Variants in UNC5C observed in about 807,000 individuals in gnomAD.
The protein encoded by UNC5C is unc-5 netrin receptor C.
A neutral mutation model predicts 99.8 loss-of-function variants in UNC5C; 47 were observed. That is an observed-to-expected ratio of 0.47 (90% CI 0.37 to 0.60). UNC5C has a LOEUF of 0.60. Among genes scored for constraint, UNC5C ranks in the 20% least tolerant of loss-of-function variants. The probability of loss-of-function intolerance (pLI) is 0.00; values close to 1 mark genes in which losing one functional copy is unlikely to be tolerated. For missense variants in UNC5C, 1,062 were observed against 1,165.9 expected (o/e 0.91, Z 1.30); for synonymous variants, 487 against 452.2 (o/e 1.08, Z -0.98).
chr4:95,533,367 G>T (rs558422397), intron 1 of UNC5C, among the ~76,000 whole-genome samples: 2 of 151,716 alleles, frequency 1.3e-5, no homozygotes, highest in Non-Finnish European at 2.9e-5. Context: ...CTGCACTCTA[G>T]CCAGGGCAAT....
chr4:95,244,659 T>A (rs899022397), intron 6 of UNC5C, among the ~76,000 whole-genome samples: 2 of 152,220 alleles, frequency 1.3e-5, no homozygotes, highest in South Asian at 4.1e-4. Flanking sequence ...AATGTGTGGC[T>A]TCCAGTGCCA....
At chr4:95,248,781 A>G (rs773660337) in intron 5 of UNC5C, among the ~76,000 whole-genome samples, 29 of 152,178 alleles carry the variant, frequency 1.9e-4, no homozygotes, top group Non-Finnish European at 2.9e-4. Flanking sequence ...AGAAATTCCT[A>G]TCACCTAATA....
chr4:95,170,060 G>GAAAA, intron 15 of UNC5C, 94 bp downstream of exon 15: 6 of 1,438,846 alleles, frequency 4.2e-6, no homozygotes, highest in Non-Finnish European at 5.6e-6. Context: ...TGTGTGGATG[G>GAAAA]AAAAAAAAAT....
chr4:95,198,956 TAAGAA>T (rs1313130149), intron 12 of UNC5C, among the ~76,000 whole-genome samples: 1 of 152,008 alleles, frequency 6.6e-6, no homozygotes, highest in Non-Finnish European at 1.5e-5. Flanking sequence ...CAGGGAGTAT[TAAGAA>T]AATAAAATGC....
At chr4:95,466,467 G>A (rs142435091) in intron 1 of UNC5C, among the ~76,000 whole-genome samples, 103 of 152,170 alleles carry the variant, frequency 6.8e-4, no homozygotes, top group African/African-American at 2.4e-3. Flanking sequence ...TTAATTAAAG[G>A]AATAAATACC....
chr4:95,269,869 C>G (rs569420940), intron 4 of UNC5C, among the ~76,000 whole-genome samples: 71 of 152,132 alleles, frequency 4.7e-4, no homozygotes, highest in Middle Eastern at 3.4e-3. Flanking sequence ...TGCACCACCA[C>G]GCCCGGCTAA....
chr4:95,381,720 G>A (rs1358424573), intron 1 of UNC5C, among the ~76,000 whole-genome samples: 1 of 152,060 alleles, frequency 6.6e-6, no homozygotes, highest in African/African-American at 2.4e-5. Context: ...ATTGCATGAT[G>A]TATTGCATAT....
intron 12 of UNC5C, among the ~76,000 whole-genome samples, chr4:95,188,162 C>G (rs894668825): frequency 6.6e-6 from 1 of 152,146 alleles, no homozygotes; most frequent in Non-Finnish European, 1.5e-5. Context: ...GGTGTGTAAA[C>G]TCCATATTGG....
intron 4 of UNC5C, among the ~76,000 whole-genome samples, chr4:95,253,151 T>C (rs948798758): frequency 3.9e-5 from 6 of 152,100 alleles, no homozygotes; most frequent in Admixed American, 3.3e-4. Flanking sequence ...AGGGTTCTCC[T>C]GGAAGCACTT....
chr4:95,304,966 C>A (rs1011144687), intron 2 of UNC5C, among the ~76,000 whole-genome samples: 4 of 152,168 alleles, frequency 2.6e-5, no homozygotes, highest in African/African-American at 9.7e-5. Context: ...TTCTACTGAC[C>A]ACAAATCTGA....
At chr4:95,212,976 A>G (rs1738126017) in intron 10 of UNC5C, among the ~76,000 whole-genome samples, 1 of 152,162 alleles carries the variant, frequency 6.6e-6, no homozygotes, top group Admixed American at 6.5e-5. Flanking sequence ...CCACCCAGGC[A>G]CCAAGCCTTC....
At chr4:95,446,110 A>T (rs932301419) in intron 1 of UNC5C, among the ~76,000 whole-genome samples, 1 of 152,170 alleles carries the variant, frequency 6.6e-6, no homozygotes, top group Non-Finnish European at 1.5e-5. Flanking sequence ...GGCCTCATTC[A>T]GAACTCATCT....
rs1736051834 is a variant in UNC5C at position 95,170,448 on chromosome 4, ATTCTTCTTAGGAAGAATGGC to A, written c.2452-136_2452-117del. 1.9e-5 allele frequency: 24 copies of A among 1,258,926 alleles called. 2 individuals carry two copies. In the South Asian group the frequency reaches 2.9e-4, roughly 15 times the overall value. The allele number at this position is 1,258,926 out of a possible 1,614,324, so 78.0% of individuals were successfully genotyped here. ...TGATAAGAAAAGAATGAATGCTGTTATTCTTCTTAGGAAGAATGGCTTCTTCTTAGCCTGAAAGTTGTGCA... is the reference window on the plus strand; with the variant it reads ...TGATAAGAAAAGAATGAATGCTGTTATTCTTCTTAGCCTGAAAGTTGTGCA... On this transcript the variant is annotated intron_variant, in intron 14 of 15. Coordinates refer to ENST00000453304, the MANE Select transcript of UNC5C (RefSeq NM_003728.4).
intron 12 of UNC5C, among the ~76,000 whole-genome samples, chr4:95,193,305 G>T (rs956508774): frequency 3.9e-5 from 6 of 152,218 alleles, no homozygotes; most frequent in African/African-American, 1.2e-4. Context: ...CGAAGCAGTG[G>T]CCAGCCTGGC....
In UNC5C at chr4:95,335,441, G is replaced by A. The variant is rs1179235019; in HGVS notation, c.315C>T (p.His105=). The A allele has an allele frequency of 2.6e-5, 42 of 1,612,112 alleles. No homozygotes were observed. Among genetic ancestry groups the A allele is most frequent in the Non-Finnish European group, 3.4e-5 (40 of 1,178,724 alleles). The change falls in exon 2 of 16, where the codon CAC becomes CAT. Residue 105 remains histidine (H), a synonymous_variant. Coordinates refer to ENST00000453304, the MANE Select transcript of UNC5C (RefSeq NM_003728.4). Reference sequence around the variant, plus strand: ...TTTCATCTACTCTTTCATCTACTATGTGGTCCTTCTGATGAACCCATTCAC... The same window carrying A: ...TTTCATCTACTCTTTCATCTACTATATGGTCCTTCTGATGAACCCATTCAC... ...CNSEWVHQKD[H]IVDERVDETS...
chr4:95,342,146 G>C (rs557801772), intron 1 of UNC5C, among the ~76,000 whole-genome samples: 1 of 152,202 alleles, frequency 6.6e-6, no homozygotes, highest in Non-Finnish European at 1.5e-5. Flanking sequence ...ACTGGACTTG[G>C]GGAACATGCT....
chr4:95,441,435 C>T (rs1436151402), intron 1 of UNC5C, among the ~76,000 whole-genome samples: 1 of 152,140 alleles, frequency 6.6e-6, no homozygotes, highest in African/African-American at 2.4e-5. Context: ...AAGGAGGACT[C>T]TGTGATTATC....
intron 1 of UNC5C, among the ~76,000 whole-genome samples, chr4:95,397,262 C>T (rs1745539985): frequency 6.6e-5 from 10 of 152,154 alleles, no homozygotes; most frequent in Admixed American, 6.5e-4. Context: ...GTGCTTTACA[C>T]AAAACAAAAA....
At chr4:95,394,074 T>G (rs1342363943) in intron 1 of UNC5C, among the ~76,000 whole-genome samples, 1 of 152,170 alleles carries the variant, frequency 6.6e-6, no homozygotes, top group Non-Finnish European at 1.5e-5. Flanking sequence ...CTATTGTTAG[T>G]GCATTGCCTT....
Sources: gnomAD v4.1 joint callset for allele counts (sites outside exome capture counted in the v4.1 genomes callset) on GRCh38, gnomAD v4.1.1 for gene constraint, MANE v1.5 for transcripts, NCBI Gene and HGNC (gene_info 2026-07-23, HGNC 2026-07-21) for gene names.